The following SLCO1A2 variants were observed in gnomAD, a reference collection of about 807,000 sequenced individuals.
SLCO1A2 encodes the protein solute carrier organic anion transporter family member 1A2.
In SLCO1A2, 67 loss-of-function variants were observed where a neutral mutation model predicts 69.0. The ratio of observed to expected loss-of-function variants is 0.97; its 90% CI spans 0.80 to 1.19. The LOEUF (loss-of-function observed/expected upper bound fraction) is 1.19. Ranked by LOEUF, SLCO1A2 falls within the 50% of genes most tolerant of loss-of-function variation. The pLI is 0.00. For missense variants in SLCO1A2, 787 were observed against 793.7 expected (o/e 0.99, Z 0.10); for synonymous variants, 260 against 265.9 (o/e 0.98, Z 0.22).
At chr12:21,274,818 T>A (rs545745942) in intron 13 of SLCO1A2, 1 of 744,854 alleles carries the variant, frequency 1.3e-6, no homozygotes, top group African/African-American at 1.8e-5. Context: ...GAGTAAAACA[T>A]TGAATTAAAG....
rs376847920 is a variant in SLCO1A2 at position 21,269,663 on chromosome 12, G to A, written c.1898C>T (p.Ala633Val). Residue 633 changes from alanine to valine, a missense_variant, in exon 15 of 15, where the codon GCC becomes GTC. Coordinates refer to ENST00000683939, the MANE Select transcript of SLCO1A2 (RefSeq NM_001386879.1). Reference protein sequence around the residue: ...LRKCHLPGENASSGTELIETK... With the variant: ...LRKCHLPGENVSSGTELIETK... ...CTCTATAAGCTCTGTTCCTGAAGAG[G>A]CATTTTCACCAGGTAGATGACACTT... The A allele has an allele frequency of 1.9e-6, 3 of 1,612,438 alleles. No homozygotes were observed. Among genetic ancestry groups the A allele is most frequent in the Middle Eastern group, 1.7e-4 (1 of 6,052 alleles).
At chr12:21,286,904 A>C (rs2136242165) in intron 12 of SLCO1A2, among the ~76,000 whole-genome samples, 1 of 151,770 alleles carries the variant, frequency 6.6e-6, no homozygotes, top group Non-Finnish European at 1.5e-5. Flanking sequence ...AACCATAAAA[A>C]CCCTAGAAGA....
At chr12:21,405,641 G>C (rs73065867) in intron 1 of SLCO1A2, among the ~76,000 whole-genome samples, 7,158 of 152,266 alleles carry the variant, frequency 0.047, 186 homozygotes, top group African/African-American at 0.062. Flanking sequence ...ACAACCATCT[G>C]ACCTTTGACA....
chr12:21,376,325 G>T, intron 1 of SLCO1A2: 1 of 360,632 alleles, frequency 2.8e-6, no homozygotes, highest in African/African-American at 2.1e-5. Context: ...TTTTTGAGAT[G>T]TTTGGACCAA....
rs1360410639 is a variant in SLCO1A2 at position 21,287,816 on chromosome 12, T to C, written c.1610+4348A>G. ...CATAGGTGGGAATTGAACAATGAGA[T>C]CACATGGACACAGGAAGGGGAATAT... On this transcript the variant is annotated intron_variant, in intron 12 of 14. Transcript: ENST00000683939. Among the ~76,000 whole-genome samples, 102 of 100,550 alleles carry C rather than the reference T, an allele frequency of 1.0e-3. 1 individual carries two copies. In the South Asian group the frequency reaches 0.041, roughly 40 times the overall value. The allele number at this position is 100,550 out of a possible 152,430, so 66.0% of individuals were successfully genotyped here.
Position 21,353,747 on chromosome 12 carries a change from G to A in SLCO1A2, c.-62-19038C>T, listed in dbSNP as rs547681219. 3.3e-5 allele frequency among the ~76,000 whole-genome samples: 5 copies of A among 152,300 alleles called. No homozygotes were observed. The East Asian group carries it at 7.7e-4, about 24-fold the overall frequency. On this transcript the variant is annotated intron_variant, in intron 2 of 15. Transcript: ENST00000307378. ...GTGGATACTGCTTCAGGTGATGAAA[G>A]GGACATTGCTGACAAGTCAGTAGAG...
At chr12:21,278,377 T>G (rs1303128031) in intron 12 of SLCO1A2, among the ~76,000 whole-genome samples, 1 of 151,518 alleles carries the variant, frequency 6.6e-6, no homozygotes, top group Admixed American at 6.6e-5. Context: ...GATTGTAGAG[T>G]TGGGTCTTGA....
intron 1 of SLCO1A2, among the ~76,000 whole-genome samples, chr12:21,374,694 G>C (rs1005393456): frequency 6.6e-6 from 1 of 152,160 alleles, no homozygotes; most frequent in African/African-American, 2.4e-5. Flanking sequence ...ATATCTGAAT[G>C]ATGACAGGAA....
intron 1 of SLCO1A2, among the ~76,000 whole-genome samples, chr12:21,391,041 C>T (rs74066476): frequency 4.2e-4 from 64 of 152,190 alleles, no homozygotes; most frequent in African/African-American, 1.4e-3. Flanking sequence ...TTCTGTCTTA[C>T]AAGAAACAAC....
intron 9 of SLCO1A2, among the ~76,000 whole-genome samples, chr12:21,296,637 C>G (rs1947755199): frequency 6.6e-6 from 1 of 152,136 alleles, no homozygotes; most frequent in Non-Finnish European, 1.5e-5. Flanking sequence ...TCTCTGAACC[C>G]TTCCCAATAA....
At chr12:21,340,114 T>G (rs974572693) in intron 2 of SLCO1A2, among the ~76,000 whole-genome samples, 1 of 152,010 alleles carries the variant, frequency 6.6e-6, no homozygotes, top group African/African-American at 2.4e-5. Context: ...GCATAATTGG[T>G]CAGCTCCCCA....
chr12:21,277,042 C>G (rs61926248), intron 12 of SLCO1A2, among the ~76,000 whole-genome samples: 19,251 of 152,222 alleles, frequency 0.13, 1,323 homozygotes, highest in Non-Finnish European at 0.15. Context: ...AGTCACTTCC[C>G]TACTGAGACA....
intron 2 of SLCO1A2, among the ~76,000 whole-genome samples, chr12:21,370,507 G>A (rs1310237895): frequency 1.6e-5 from 2 of 128,062 alleles, no homozygotes; most frequent in Non-Finnish European, 3.1e-5. Flanking sequence ...AGGCCCTGGT[G>A]TGTGATGTTC....
intron 2 of SLCO1A2, among the ~76,000 whole-genome samples, chr12:21,324,187 G>A (rs1158703200): frequency 6.6e-6 from 1 of 152,200 alleles, no homozygotes; most frequent in African/African-American, 2.4e-5. Flanking sequence ...TCTCTTTAGA[G>A]GATTATTATA....
upstream of SLCO1A2, chr12:21,395,494 T>G (rs113280479): frequency 0.11 from 16,804 of 154,038 alleles, 1,163 homozygotes; most frequent in East Asian, 0.37. Flanking sequence ...AAAGCAGCTG[T>G]GAAGCTCGAA....
intron 3 of SLCO1A2, among the ~76,000 whole-genome samples, chr12:21,318,482 A>T (rs1951173355): frequency 6.6e-6 from 1 of 152,176 alleles, no homozygotes; most frequent in Non-Finnish European, 1.5e-5. Flanking sequence ...AGGGTTATCA[A>T]ATGATATTTA....
intron 1 of SLCO1A2, among the ~76,000 whole-genome samples, chr12:21,385,775 C>T (rs1014600524): frequency 9.2e-5 from 14 of 152,278 alleles, no homozygotes; most frequent in African/African-American, 3.4e-4. Flanking sequence ...AGGAGGCTGG[C>T]ATGACAAGAC....
intron 1 of SLCO1A2, among the ~76,000 whole-genome samples, chr12:21,385,890 T>C (rs1188355293): frequency 6.6e-6 from 1 of 152,134 alleles, no homozygotes; most frequent in Non-Finnish European, 1.5e-5. Flanking sequence ...ACCATATTTT[T>C]CCAGAACCCC....
upstream of SLCO1A2, among the ~76,000 whole-genome samples, chr12:21,398,747 C>T (rs541542501): frequency 9.3e-5 from 14 of 150,506 alleles, no homozygotes; most frequent in African/African-American, 3.2e-4. Flanking sequence ...ATGTAATCCA[C>T]ATATAAACAG....
Sources: gnomAD v4.1 joint callset for allele counts (sites outside exome capture counted in the v4.1 genomes callset) on GRCh38, gnomAD v4.1.1 for gene constraint, MANE v1.5 for transcripts, NCBI Gene and HGNC (gene_info 2026-07-23, HGNC 2026-07-21) for gene names.